Variants in SPATS2 observed in about 807,000 individuals in gnomAD.
The protein encoded by SPATS2 is spermatogenesis associated serine rich 2.
A neutral mutation model predicts 63.7 loss-of-function variants in SPATS2; 38 were observed. That is an observed-to-expected ratio of 0.60 (90% confidence interval 0.46 to 0.78). The LOEUF (loss-of-function observed/expected upper bound fraction) is 0.78, where lower values mean the gene tolerates loss of function less well. SPATS2 is among the 30% of genes least tolerant of loss of function. The pLI, the probability that SPATS2 is intolerant of heterozygous loss-of-function variation, is 0.00. For synonymous variants in SPATS2, 207 were observed against 232.9 expected (o/e 0.89, Z 1.01); for missense variants, 588 against 666.2 (o/e 0.88, Z 1.29).
rs1944381094 is a variant in SPATS2 at position 49,389,443 on chromosome 12, T to A, written c.-244+18153T>A. ...TTCCCTTGGGTGCATAGGTCCCGGT[T>A]GGTAGAGGCTTTGAGTCCTCATCGC... On this transcript the variant is annotated intron_variant, in intron 2 of 13. Coordinates refer to ENST00000552918, the MANE Select transcript of SPATS2 (RefSeq NM_023071.4). 13 of 650,096 alleles carry A rather than the reference T, an allele frequency of 2.0e-5. No individual in the cohort carries two copies. In the South Asian group the frequency reaches 2.2e-4, roughly 11 times the overall value. 40.3% of individuals were successfully genotyped at this position (650,096 alleles called of 1,614,324 possible). A position where few individuals can be genotyped will look rare whatever the true frequency, so the allele number is the denominator to read the frequency against.
rs1480011035 is a variant in SPATS2, at chr12:49,519,061, T to G, written c.899-12T>G. The G allele has an allele frequency of 6.2e-7, 1 of 1,610,120 alleles. No individual in the cohort carries two copies. Among genetic ancestry groups the G allele is most frequent in the Non-Finnish European group, 8.5e-7 (1 of 1,176,934 alleles). On this transcript the variant is annotated splice_polypyrimidine_tract_variant and intron_variant, in intron 10 of 13. Coordinates refer to ENST00000552918, the MANE Select transcript of SPATS2 (RefSeq NM_023071.4). ...CAGCAACATAAGGTTCACACTCACT[T>G]TTCCTCTACAGTGGAAATTTTGCTC...
chr12:49,409,592 ATTTTTTTT>A (rs753378038), intron 2 of SPATS2, among the ~76,000 whole-genome samples: 5 of 73,546 alleles, frequency 6.8e-5, no homozygotes, highest in South Asian at 4.1e-4. Flanking sequence ...GTGCCCAGCA[ATTTTTTTT>A]TTTTTTTTTT....
At chr12:49,449,460 T>G (rs1197226990) in intron 2 of SPATS2, among the ~76,000 whole-genome samples, 1 of 152,176 alleles carries the variant, frequency 6.6e-6, no homozygotes, top group Non-Finnish European at 1.5e-5. Flanking sequence ...ATGATCCGCC[T>G]GCCTCAGCCT....
intron 11 of SPATS2, among the ~76,000 whole-genome samples, chr12:49,522,427 A>G (rs966284048): frequency 6.6e-6 from 1 of 152,250 alleles, no homozygotes; most frequent in Non-Finnish European, 1.5e-5. Flanking sequence ...AAATGGAAAG[A>G]CATGGAGAAT....
intron 4 of SPATS2, chr12:49,486,185 T>TTTG (rs1002107618): frequency 8.9e-5 from 40 of 451,028 alleles, no homozygotes; most frequent in East Asian, 2.8e-4. Context: ...TTTGGTGCCT[T>TTTG]TTGTTGTTGT....
chr12:49,415,917 G>A (rs1023600840), intron 2 of SPATS2, among the ~76,000 whole-genome samples: 1 of 151,978 alleles, frequency 6.6e-6, no homozygotes, highest in African/African-American at 2.4e-5. Flanking sequence ...GCCTCCTTGA[G>A]GCCTTTGTTA....
At position 49,494,888 on chromosome 12, in the gene SPATS2, A is replaced by G. The variant is rs1451379652; in HGVS notation, c.412A>G (p.Ile138Val). 2 of 1,614,062 alleles carry G rather than the reference A, an allele frequency of 1.2e-6. No homozygotes were observed. Among genetic ancestry groups the G allele is most frequent in the Admixed American group, 3.3e-5 (2 of 59,994 alleles). ...GAATGGCTACCATGTCAATGGTGCC[A>G]TCAATGACACTGAGTCTGTGGACTC... ...GMNGYHVNGAINDTESVDSLS... is the reference protein window; with the variant it reads ...GMNGYHVNGAVNDTESVDSLS... Residue 138 changes from isoleucine (I) to valine (V), a missense_variant, in exon 7 of 14, where the codon ATC becomes GTC. Transcript: ENST00000552918.
chr12:49,474,966 G>A (rs565167456), intron 3 of SPATS2, among the ~76,000 whole-genome samples: 2 of 152,088 alleles, frequency 1.3e-5, no homozygotes, highest in African/African-American at 2.4e-5. Context: ...AGAAACTCCC[G>A]TTTTTAAAAC....
At chr12:49,380,578 C>T (rs573674782) in intron 2 of SPATS2, among the ~76,000 whole-genome samples, 20 of 152,076 alleles carry the variant, frequency 1.3e-4, no homozygotes, top group African/African-American at 1.9e-4. Context: ...TGGTGGCGTG[C>T]GCCTGTAATC....
intron 2 of SPATS2, among the ~76,000 whole-genome samples, chr12:49,434,353 A>ACATT (rs1245324800): frequency 2.6e-5 from 4 of 152,202 alleles, no homozygotes; most frequent in Admixed American, 6.5e-5. Flanking sequence ...GGTATTAAAT[A>ACATT]CATTCACAGT....
intron 2 of SPATS2, among the ~76,000 whole-genome samples, chr12:49,454,000 C>G (rs1385895015): frequency 6.6e-6 from 1 of 151,272 alleles, no homozygotes; most frequent in Non-Finnish European, 1.5e-5. Flanking sequence ...GTAGCTGGGA[C>G]TACAGGCTCC....
intron 2 of SPATS2, among the ~76,000 whole-genome samples, chr12:49,410,028 A>T (rs1944769033): frequency 6.6e-6 from 1 of 152,100 alleles, no homozygotes; most frequent in African/African-American, 2.4e-5. Context: ...AATGGTGAAG[A>T]ATTGTAGAAT....
At chr12:49,519,814 A>G (rs561379770) in intron 11 of SPATS2, among the ~76,000 whole-genome samples, 1 of 136,330 alleles carries the variant, frequency 7.3e-6, no homozygotes, top group East Asian at 2.1e-4. Context: ...AGTTACCACT[A>G]TTTTTTTTTT....
chr12:49,491,000 C>T (rs1206786937), intron 6 of SPATS2: 1 of 282,646 alleles, frequency 3.5e-6, no homozygotes, highest in Admixed American at 5.1e-5. Context: ...AAAAATTAGC[C>T]AGGTGTGGTG....
At chr12:49,459,261 A>G (rs1418888273) in intron 2 of SPATS2, among the ~76,000 whole-genome samples, 1 of 152,182 alleles carries the variant, frequency 6.6e-6, no homozygotes, top group Non-Finnish European at 1.5e-5. Context: ...GTGCTAGAAG[A>G]TAAATTACCT....
intron 2 of SPATS2, chr12:49,390,228 A>G (rs1944396411): frequency 2.2e-6 from 2 of 914,464 alleles, no homozygotes; most frequent in Non-Finnish European, 1.7e-6. Flanking sequence ...GAATGAATGA[A>G]TGAACAGAAA....
At chr12:49,429,218 A>G (rs1945136039) in intron 2 of SPATS2, among the ~76,000 whole-genome samples, 2 of 152,136 alleles carry the variant, frequency 1.3e-5, no homozygotes, top group South Asian at 4.1e-4. Context: ...TGTCTTTTAA[A>G]TTTCCAGAAA....
intron 4 of SPATS2, among the ~76,000 whole-genome samples, chr12:49,486,603 C>T (rs1946298006): frequency 6.6e-6 from 1 of 152,122 alleles, no homozygotes. Context: ...CGTTGAATTA[C>T]AGACTGTATA....
Position 49,514,707 on chromosome 12 carries a change from A to G in SPATS2, c.898+94A>G, listed in dbSNP as rs367673215. 77 of 1,064,308 alleles carry G rather than the reference A, an allele frequency of 7.2e-5. 3 individuals carry two copies. In the African/African-American group the frequency reaches 9.0e-4, roughly 12 times the overall value. 65.9% of individuals were successfully genotyped at this position (1,064,308 alleles called of 1,614,324 possible). A position where few individuals can be genotyped will look rare whatever the true frequency, so the allele number is the denominator to read the frequency against. The stretch of plus-strand genomic sequence containing the variant: ...ATAACAAAAGTTCCATATAAATACC[A>G]TAATAAGAGTTTATATATTTAAATA... On this transcript the variant is annotated intron_variant, in intron 10 of 13. Coordinates refer to ENST00000552918, the MANE Select transcript of SPATS2 (RefSeq NM_023071.4).
Sources: gnomAD v4.1 joint callset for allele counts (sites outside exome capture counted in the v4.1 genomes callset) on GRCh38, gnomAD v4.1.1 for gene constraint, MANE v1.5 for transcripts, NCBI Gene and HGNC (gene_info 2026-07-23, HGNC 2026-07-21) for gene names.